SBF2: variants seen among roughly 807,000 people sequenced by gnomAD.
SBF2 encodes myotubularin-related protein 13.
SBF2 carries 112 observed loss-of-function variants against 225.2 expected under a neutral mutation model. The observed-to-expected ratio is 0.50, with a 90% CI of 0.43 to 0.58. The LOEUF (loss-of-function observed/expected upper bound fraction) is 0.58, where lower values mean the gene tolerates loss of function less well. Among genes scored for constraint, SBF2 ranks in the 20% least tolerant of loss-of-function variants. SBF2 has a pLI of 0.00. For missense variants in SBF2, 1,996 were observed against 2,206.2 expected, an observed-to-expected ratio of 0.90 and a Z score of 1.91; for synonymous variants, 763 against 773.3, an observed-to-expected ratio of 0.99 and a Z score of 0.22.
chr11:9,964,582 G>A (rs988577502), intron 14 of SBF2, among the ~76,000 whole-genome samples: 2 of 152,072 alleles, frequency 1.3e-5, no homozygotes, highest in Non-Finnish European at 2.9e-5. Context: ...TTGAGTAGAG[G>A]GGACTTGAAA....
upstream of SBF2, among the ~76,000 whole-genome samples, chr11:10,297,619 T>A (rs1009803665): frequency 2.0e-5 from 3 of 152,262 alleles, no homozygotes; most frequent in Non-Finnish European, 4.4e-5. Flanking sequence ...AAGTACTCAT[T>A]TAAATTATTT....
intron 17 of SBF2, among the ~76,000 whole-genome samples, chr11:9,874,006 C>G (rs1051220855): frequency 6.6e-6 from 1 of 151,906 alleles, no homozygotes; most frequent in Non-Finnish European, 1.5e-5. Flanking sequence ...CTGCAGTGAG[C>G]CGAGATTGAG....
chr11:10,055,495 A>G (rs2134731952), intron 2 of SBF2, among the ~76,000 whole-genome samples: 1 of 150,324 alleles, frequency 6.7e-6, no homozygotes, highest in East Asian at 2.0e-4. Context: ...TTAAGTGCCC[A>G]CCAACAGATG....
intron 33 of SBF2, among the ~76,000 whole-genome samples, chr11:9,794,045 T>C (rs1195541926): frequency 6.6e-6 from 1 of 152,122 alleles, no homozygotes; most frequent in Non-Finnish European, 1.5e-5. Flanking sequence ...TATGTGGGCA[T>C]GGGGGCACAT....
At chr11:10,097,379 G>A (rs944196507) in intron 2 of SBF2, among the ~76,000 whole-genome samples, 2 of 152,154 alleles carry the variant, frequency 1.3e-5, no homozygotes, top group Non-Finnish European at 2.9e-5. Context: ...GCACAAACGG[G>A]CTGACACATT....
chr11:10,137,767 G>A (rs61878655), intron 2 of SBF2, among the ~76,000 whole-genome samples: 16,344 of 152,108 alleles, frequency 0.11, 1,041 homozygotes, highest in Non-Finnish European at 0.12. Flanking sequence ...AGCACTTTGG[G>A]AGGCCGAGGT....
chr11:10,025,068 T>G (rs938518175), intron 6 of SBF2, among the ~76,000 whole-genome samples: 44 of 152,210 alleles, frequency 2.9e-4, no homozygotes, highest in African/African-American at 1.1e-3. Flanking sequence ...TTGTCTATGG[T>G]TTCTTTTGCA....
chr11:10,093,388 A>C (rs1951864487), intron 2 of SBF2, among the ~76,000 whole-genome samples: 1 of 151,782 alleles, frequency 6.6e-6, no homozygotes, highest in Non-Finnish European at 1.5e-5. Flanking sequence ...GCTGGAAAAA[A>C]AAAAAAAACA....
chr11:10,033,864 T>C (rs1949347555), intron 3 of SBF2, among the ~76,000 whole-genome samples: 1 of 152,174 alleles, frequency 6.6e-6, no homozygotes, highest in African/African-American at 2.4e-5. Flanking sequence ...TAGTTTTATT[T>C]GGTGTGTGTT....
In SBF2 at chr11:10,042,911, G is replaced by C; in HGVS notation, c.212C>G (p.Thr71Arg). Reference sequence around the variant, plus strand: ...GTAATGTCGATCTGAGTCAATGTCTGTCAGGACAACCACAAAGAACGTTGG... The same window carrying C: ...GTAATGTCGATCTGAGTCAATGTCTCTCAGGACAACCACAAAGAACGTTGG... ...KQPTFFVVVL[T>R]DIDSDRHYCS... is the part of the protein sequence containing the mutation. The change falls in exon 3 of 40, where the codon ACA (threonine) becomes AGA (arginine). Residue 71 changes from threonine (T) to arginine (R), a missense_variant. Physicochemically the swap from Thr to Arg is moderately conservative, Grantham distance 71. Coordinates refer to ENST00000256190, the MANE Select transcript of SBF2 (RefSeq NM_030962.4). The C allele has an allele frequency of 6.2e-7, 1 of 1,613,906 alleles. No individual in the cohort carries two copies. Among genetic ancestry groups the C allele is most frequent in the Non-Finnish European group, 8.5e-7 (1 of 1,179,830 alleles).
intron 1 of SBF2, among the ~76,000 whole-genome samples, chr11:10,257,503 A>T (rs947963697): frequency 2.0e-5 from 3 of 151,936 alleles, no homozygotes; most frequent in African/African-American, 7.3e-5. Context: ...TATCTACTAA[A>T]AATTAAAATT....
At chr11:9,807,532 G>A (rs1483039904) in intron 32 of SBF2, among the ~76,000 whole-genome samples, 2 of 152,174 alleles carry the variant, frequency 1.3e-5, no homozygotes, top group African/African-American at 2.4e-5. Flanking sequence ...GTTTCTCCAT[G>A]TGGTAGAAGT....
intron 17 of SBF2, among the ~76,000 whole-genome samples, chr11:9,861,345 C>T (rs1479532832): frequency 6.6e-6 from 1 of 152,176 alleles, no homozygotes; most frequent in Admixed American, 6.5e-5. Flanking sequence ...CATGCATGTA[C>T]TGCCATGCCT....
intron 16 of SBF2, among the ~76,000 whole-genome samples, chr11:9,946,876 G>T (rs772781313): frequency 6.6e-6 from 1 of 152,202 alleles, no homozygotes; most frequent in African/African-American, 2.4e-5. Context: ...GGAAATTACT[G>T]TGAGTCTTTT....
At chr11:10,030,680 T>A (rs1204873099) in intron 4 of SBF2, among the ~76,000 whole-genome samples, 2 of 152,170 alleles carry the variant, frequency 1.3e-5, no homozygotes, top group African/African-American at 2.4e-5. Context: ...ACCCACCCTA[T>A]TTACTTGAAC....
intron 25 of SBF2, among the ~76,000 whole-genome samples, chr11:9,840,092 G>A (rs766658575): frequency 6.6e-6 from 1 of 152,014 alleles, no homozygotes; most frequent in Non-Finnish European, 1.5e-5. Context: ...AAATTAGCCA[G>A]GTGTGGCGGC....
At chr11:9,806,157 G>A (rs933022284) in intron 32 of SBF2, among the ~76,000 whole-genome samples, 1 of 152,164 alleles carries the variant, frequency 6.6e-6, no homozygotes, top group Non-Finnish European at 1.5e-5. Context: ...ACATACTTTA[G>A]TGCTATAGAT....
chr11:9,939,046 A>G (rs1440207439), intron 16 of SBF2, among the ~76,000 whole-genome samples: 1 of 152,174 alleles, frequency 6.6e-6, no homozygotes, highest in Non-Finnish European at 1.5e-5. Flanking sequence ...TCAAAGAAAA[A>G]TAGAAAAGCC....
chr11:10,131,046 G>C lies in SBF2; in HGVS notation c.141+62856C>G, dbSNP rs78890851. Among the ~76,000 whole-genome samples, 60 of 152,256 alleles carry C rather than the reference G, an allele frequency of 3.9e-4. No homozygotes were observed. The East Asian group carries it at 0.01, about 26-fold the overall frequency. ...TAATTTATCTAGGAGAAACGCCCAAGAGTACAACTGCTGAGTCATATGGTT... is the reference window on the plus strand; with the variant it reads ...TAATTTATCTAGGAGAAACGCCCAACAGTACAACTGCTGAGTCATATGGTT... On this transcript the variant is annotated intron_variant, in intron 2 of 39. Coordinates refer to ENST00000256190, the MANE Select transcript of SBF2 (RefSeq NM_030962.4).
Sources: gnomAD v4.1 joint callset for allele counts (sites outside exome capture counted in the v4.1 genomes callset) on GRCh38, gnomAD v4.1.1 for gene constraint, MANE v1.5 for transcripts, NCBI Gene and HGNC (gene_info 2026-07-23, HGNC 2026-07-21) for gene names.